The following NCOR2 variants were observed in gnomAD, a reference collection of about 807,000 sequenced individuals.
The protein encoded by NCOR2 is CTG repeat protein 26.
NCOR2 carries 81 observed loss-of-function variants against 262.9 expected under a neutral mutation model. That is an observed-to-expected ratio of 0.31 (90% confidence interval 0.26 to 0.37). The LOEUF (loss-of-function observed/expected upper bound fraction) is 0.37. Among genes scored for constraint, NCOR2 ranks in the 10% least tolerant of loss-of-function variants. NCOR2 has a pLI of 1.00. For missense variants in NCOR2, 3,385 were observed against 3,621.4 expected (o/e 0.93, Z 1.68); for synonymous variants, 1,659 against 1,559.3 (o/e 1.06, Z -1.51).
intron 31 of NCOR2, among the ~76,000 whole-genome samples, chr12:124,345,806 C>T (rs188913142): frequency 1.5e-4 from 23 of 152,312 alleles, no homozygotes; most frequent in Admixed American, 3.3e-4. Context: ...GAACCCCTCC[C>T]GGGACACCCA....
chr12:124,479,418 C>T (rs532244656), intron 3 of NCOR2, among the ~76,000 whole-genome samples: 1 of 150,968 alleles, frequency 6.6e-6, no homozygotes, highest in African/African-American at 2.4e-5. Context: ...CACACAGGTA[C>T]ATGCACGCAC....
At chr12:124,448,051 A>C (rs1355463661) in intron 7 of NCOR2, among the ~76,000 whole-genome samples, 4 of 152,224 alleles carry the variant, frequency 2.6e-5, no homozygotes, top group Non-Finnish European at 4.4e-5. Context: ...TGCTAGACAA[A>C]TCTTGATGAG....
chr12:124,499,548 A>G (rs1322457208), upstream of NCOR2, among the ~76,000 whole-genome samples: 1 of 152,222 alleles, frequency 6.6e-6, no homozygotes, highest in Admixed American at 6.5e-5. Context: ...GAGCAAGAGC[A>G]GGGAGGTGAG....
chr12:124,350,622 T>C, exon 28 of NCOR2: 3 of 1,614,018 alleles, frequency 1.9e-6, no homozygotes, highest in Non-Finnish European at 2.5e-6. Context: ...CTTGCCTTCG[T>C]AGATGACGTG....
chr12:124,470,002 CA>C (rs566931209), intron 4 of NCOR2, among the ~76,000 whole-genome samples: 1 of 151,840 alleles, frequency 6.6e-6, no homozygotes, highest in Non-Finnish European at 1.5e-5. Context: ...CCCATCTCTA[CA>C]AAAAACACAA....
Position 124,378,105 on chromosome 12 carries a change from G to A in NCOR2, c.2167+132C>T. 1.3e-6 allele frequency: 2 copies of A among 1,497,444 alleles called. No homozygotes were observed. Among genetic ancestry groups the A allele is most frequent in the Non-Finnish European group, 1.8e-6 (2 of 1,126,756 alleles). The allele number at this position is 1,497,444 out of a possible 1,614,324, so 92.8% of individuals were successfully genotyped here. On this transcript the variant is annotated intron_variant, in intron 18 of 46. Coordinates refer to ENST00000405201, the Ensembl canonical transcript of NCOR2. The surrounding 1 kb of genome is among the most constrained non-coding windows in gnomAD (Gnocchi z 4.2). ...AAGTCAGGCCCGCACCTTCCAGGGAGTCGAGGCCCCTTCTAAGGAGGACCC... is the reference window on the plus strand; with the variant it reads ...AAGTCAGGCCCGCACCTTCCAGGGAATCGAGGCCCCTTCTAAGGAGGACCC...
intron 19 of NCOR2, among the ~76,000 whole-genome samples, chr12:124,373,842 A>ACGAGGCCAG (rs2039759866): frequency 3.8e-4 from 4 of 10,568 alleles, no homozygotes; most frequent in Admixed American, 1.7e-3. Flanking sequence ...ACGGTGGACA[A>ACGAGGCCAG]TCATGAGGCC....
chr12:124,335,563 G>C, exon 39 of NCOR2: 1 of 1,609,510 alleles, frequency 6.2e-7, no homozygotes, highest in Non-Finnish European at 8.5e-7. Flanking sequence ...CTTGTCGTGG[G>C]TCAGACTGGG....
rs530866086 is a variant in NCOR2 at position 124,449,890 on chromosome 12, A to T, written c.763-23T>A. ...CGGCTGCAAAGGGAGAGAGAGAAGC[A>T]CATCAGAGCCTGGCTGGCCACTCGC... On this transcript the variant is annotated intron_variant, in intron 6 of 46. Transcript: ENST00000405201. 13 of 1,612,588 alleles carry T rather than the reference A, an allele frequency of 8.1e-6. No individual in the cohort carries two copies. In the South Asian group the frequency reaches 1.3e-4, roughly 16 times the overall value.
At chr12:124,416,379 T>C (rs1009524368) in intron 13 of NCOR2, among the ~76,000 whole-genome samples, 5 of 152,200 alleles carry the variant, frequency 3.3e-5, no homozygotes, top group Non-Finnish European at 5.9e-5. Flanking sequence ...AGACACGCGC[T>C]GTCTCTCATG....
chr12:124,354,748 G>A (rs974736518), intron 25 of NCOR2, 89 bp downstream of exon 27: 29 of 1,384,898 alleles, frequency 2.1e-5, no homozygotes, highest in Non-Finnish European at 1.6e-5. Context: ...GAGTACCGTG[G>A]GCCAAGATAC....
At chr12:124,347,803 G>A (rs1234654169) in intron 30 of NCOR2, 22 bp downstream of exon 32, 1 of 1,554,504 alleles carries the variant, frequency 6.4e-7, no homozygotes, top group Non-Finnish European at 8.7e-7. Context: ...GGGCAACGAG[G>A]GAGCAGGGAA....
chr12:124,341,878 C>G, exon 34 of NCOR2: 1 of 1,612,238 alleles, frequency 6.2e-7, no homozygotes, highest in Non-Finnish European at 8.5e-7. Flanking sequence ...GCGAGAGGCC[C>G]CTCAGCATAT....
intron 4 of NCOR2, among the ~76,000 whole-genome samples, chr12:124,470,937 G>A (rs941573333): frequency 3.3e-5 from 5 of 152,232 alleles, no homozygotes; most frequent in Non-Finnish European, 7.3e-5. Flanking sequence ...CCAGTGACCC[G>A]CAGCTTCAGC....
At chr12:124,416,712 ACCCGCGGCACAGGGAGTC>A (rs1330233015) in intron 13 of NCOR2, among the ~76,000 whole-genome samples, 3 of 131,260 alleles carry the variant, frequency 2.3e-5, no homozygotes, top group African/African-American at 8.8e-5. Context: ...CACAGATAGA[ACCCGCGGCACAGGGAGTC>A]CCCGCGGCAC....
At chr12:124,528,116 C>A (rs775958064) in intron 1 of NCOR2, among the ~76,000 whole-genome samples, 4 of 152,110 alleles carry the variant, frequency 2.6e-5, no homozygotes, top group African/African-American at 4.8e-5. Flanking sequence ...GGTAAATAAC[C>A]CTCCAGGGAC....
chr12:124,415,743 G>A (rs992399274), intron 13 of NCOR2, among the ~76,000 whole-genome samples: 2 of 152,180 alleles, frequency 1.3e-5, no homozygotes, highest in African/African-American at 4.8e-5. Context: ...CCAACTCCCA[G>A]GCACCGCAGA....
chr12:124,394,456 C>T (rs1246680324), intron 16 of NCOR2, among the ~76,000 whole-genome samples: 4 of 152,300 alleles, frequency 2.6e-5, no homozygotes, highest in South Asian at 4.1e-4. Flanking sequence ...ATCCCCCCAA[C>T]ATTTTGTGTC....
chr12:124,427,718 C>T (rs951986814), intron 10 of NCOR2, among the ~76,000 whole-genome samples: 2 of 152,186 alleles, frequency 1.3e-5, no homozygotes, highest in Non-Finnish European at 2.9e-5. Context: ...TGATACGGAA[C>T]GGCGACCTTC....
Sources: gnomAD v4.1 joint callset for allele counts (sites outside exome capture counted in the v4.1 genomes callset) on GRCh38, gnomAD v4.1.1 for gene constraint, Gnocchi (gnomAD v3.1) non-coding constraint, MANE v1.5 for transcripts, NCBI Gene and HGNC (gene_info 2026-07-23, HGNC 2026-07-21) for gene names.